KCNIP2: variants seen among roughly 807,000 people sequenced by gnomAD.
KCNIP2 encodes potassium voltage-gated channel interacting protein 2.
KCNIP2 carries 19 observed loss-of-function variants against 39.0 expected under a neutral mutation model. The ratio of observed to expected loss-of-function variants is 0.49; its 90% CI spans 0.34 to 0.71. KCNIP2 has a LOEUF of 0.71. Among genes scored for constraint, KCNIP2 ranks in the 30% least tolerant of loss-of-function variants. The pLI is 0.01. For missense variants in KCNIP2, 261 were observed against 346.0 expected (o/e 0.75, Z 1.95); for synonymous variants, 111 against 131.2 (o/e 0.85, Z 1.05).
chr10:101,836,390 A>G (rs533808489), intron 1 of KCNIP2, among the ~76,000 whole-genome samples: 1 of 148,252 alleles, frequency 6.7e-6, no homozygotes, highest in South Asian at 2.1e-4. Flanking sequence ...ACAGGCGTGC[A>G]CCACCACGCC....
In KCNIP2 at chr10:101,828,862, A is replaced by T; in HGVS notation, c.349-166T>A. Reference sequence around the variant, plus strand: ...GGAGGGAAGACTTCTTTCCCAGTGCACAAATAAAAAACATGGAACGAAACT... The same window carrying T: ...GGAGGGAAGACTTCTTTCCCAGTGCTCAAATAAAAAACATGGAACGAAACT... On this transcript the variant is annotated intron_variant, in intron 4 of 9. Transcript: ENST00000356640. This position sits in a 1 kb window ranked among gnomAD's most constrained non-coding sequence, Gnocchi z 6.6. The T allele has an allele frequency of 6.4e-7, 1 of 1,552,692 alleles. No individual in the cohort carries two copies. The highest frequency in any genetic ancestry group is 8.7e-7 in the Non-Finnish European group (1 of 1,148,144).
chr10:101,827,756 A>C lies in KCNIP2; in HGVS notation c.703-5T>G. 1 of 1,602,338 alleles carries C rather than the reference A, an allele frequency of 6.2e-7. No individual in the cohort carries two copies. The highest frequency in any genetic ancestry group is 8.6e-7 in the Non-Finnish European group (1 of 1,169,246). On this transcript the variant is annotated splice_region_variant and splice_polypyrimidine_tract_variant and intron_variant, in intron 8 of 9. Transcript: ENST00000356640. ...ATCCTTGTTTCTGTCCATCTTCTGCAAGAAGGTGGTCAGGCAGGGAGAACA... is the reference window on the plus strand; with the variant it reads ...ATCCTTGTTTCTGTCCATCTTCTGCCAGAAGGTGGTCAGGCAGGGAGAACA...
Position 101,829,867 on chromosome 10 carries a change from TG to T in KCNIP2, c.199del (p.His67ThrfsTer105). ...ACCTGGGTCCAGCAGGCGGGGTCTG[TG>T]GGGGCGGAGGGAGGCTGGGGCGGCT... ...TLAAPASLRP[H>X]RPRLLDPDSV... On this transcript the variant is annotated frameshift_variant, in exon 3 of 10. Coordinates refer to ENST00000356640, the MANE Select transcript of KCNIP2 (RefSeq NM_173191.3). LOFTEE classifies it high-confidence loss of function. The T allele has an allele frequency of 1.3e-6, 2 of 1,488,102 alleles. No homozygotes were observed. Among genetic ancestry groups the T allele is most frequent in the South Asian group, 1.3e-5 (1 of 76,736 alleles). 92.2% of individuals were successfully genotyped at this position (1,488,102 alleles called of 1,614,324 possible). A position where few individuals can be genotyped will look rare whatever the true frequency, so the allele number is the denominator to read the frequency against.
rs2065790000 is a variant in KCNIP2 at position 101,827,699 on chromosome 10, G to T, written c.755C>A (p.Ser252Tyr). The T allele has an allele frequency of 8.1e-6, 13 of 1,613,970 alleles. No homozygotes were observed. Among genetic ancestry groups the T allele is most frequent in the Non-Finnish European group, 1.0e-5 (12 of 1,179,950 alleles). Residue 252 changes from serine to tyrosine, a missense_variant, in exon 9 of 10, where the codon TCT (serine) becomes TAT (tyrosine). By Grantham distance (144) the Ser-to-Tyr change is moderately radical. Coordinates refer to ENST00000356640, the MANE Select transcript of KCNIP2 (RefSeq NM_173191.3). ...GVVTIEEFIE[S>Y]CQKDENIMRS... ...GGCAGGGAGCTGTACCTTTTGACAA[G>T]ACTCAATGAATTCCTCAATGGTCAC...
At chr10:101,827,437 G>A in intron 9 of KCNIP2, 37 bp from the exon 10 acceptor site, 2 of 1,586,442 alleles carry the variant, frequency 1.3e-6, no homozygotes, top group Non-Finnish European at 1.7e-6. Flanking sequence ...ATTGAAGAGA[G>A]AGAAAGAGAA....
At chr10:101,831,387 G>A (rs1209127134) in intron 1 of KCNIP2, among the ~76,000 whole-genome samples, 1 of 152,118 alleles carries the variant, frequency 6.6e-6, no homozygotes, top group Non-Finnish European at 1.5e-5. Context: ...GGACGTGGCC[G>A]GTGACAGCGA....
chr10:101,827,347 TG>T lies in KCNIP2; in HGVS notation c.*5del, dbSNP rs2065775471. 2 of 1,600,992 alleles carry T rather than the reference TG, an allele frequency of 1.2e-6. No individual in the cohort carries two copies. Among genetic ancestry groups the T allele is most frequent in the African/African-American group, 1.3e-5 (1 of 74,754 alleles). On this transcript the variant is annotated 3_prime_UTR_variant, in exon 10 of 10. Transcript: ENST00000356640. The stretch of plus-strand genomic sequence containing the variant: ...CCCAGGAAACACTGACCCCCTCTCC[TG>T]GGGGCTAGATGACATTGTCAAAGAG...
In KCNIP2 at chr10:101,827,534, T is replaced by C. The variant is rs184939040; in HGVS notation, c.766-134A>G. 2.0e-4 allele frequency: 258 copies of C among 1,285,052 alleles called. 1 individual carries two copies. The highest frequency in any genetic ancestry group is 1.7e-4 in the Non-Finnish European group (150 of 887,576). The allele number at this position is 1,285,052 out of a possible 1,614,324, so 79.6% of individuals were successfully genotyped here. On this transcript the variant is annotated intron_variant, in intron 9 of 9. Transcript: ENST00000356640. ...GAGGAAGGAGATGCCCAGAGAGACCTGAGGTAGGGAAGGGGTAAGCCTCCC... is the reference window on the plus strand; with the variant it reads ...GAGGAAGGAGATGCCCAGAGAGACCCGAGGTAGGGAAGGGGTAAGCCTCCC...
intron 9 of KCNIP2, 30 bp from the exon 10 acceptor site, chr10:101,827,430 G>A (rs753798468): frequency 4.4e-6 from 7 of 1,591,758 alleles, no homozygotes; most frequent in Admixed American, 1.7e-5. Context: ...GAGGCAGATT[G>A]AAGAGAGAGA....
chr10:101,843,089 A>C lies in KCNIP2; in HGVS notation c.73+407T>G, dbSNP rs1253518205. Among the ~76,000 whole-genome samples, 1 of 152,178 alleles carries C rather than the reference A, an allele frequency of 6.6e-6. No individual in the cohort carries two copies. The highest frequency in any genetic ancestry group is 1.5e-5 in the Non-Finnish European group (1 of 68,026). On this transcript the variant is annotated intron_variant, in intron 1 of 9. Coordinates refer to ENST00000356640, the MANE Select transcript of KCNIP2 (RefSeq NM_173191.3). The surrounding 1 kb of genome is among the most constrained non-coding windows in gnomAD (Gnocchi z 6.7). ...GGTCCTACGCAAACTCAAACATCTG[A>C]CGAGACCATACAATTGCACTGCCAC...
At position 101,828,783 on chromosome 10, in the gene KCNIP2, G is replaced by C; in HGVS notation, c.349-87C>G. ...ACCCTCCATGGCCCAAGACTCCCAG[G>C]GAGGGGGATAATCTTCAAGCCTCCA... On this transcript the variant is annotated intron_variant, in intron 4 of 9. Transcript: ENST00000356640. This position sits in a 1 kb window ranked among gnomAD's most constrained non-coding sequence, Gnocchi z 6.6. 1 of 1,610,226 alleles carries C rather than the reference G, an allele frequency of 6.2e-7. No homozygotes were observed. The highest frequency in any genetic ancestry group is 8.5e-7 in the Non-Finnish European group (1 of 1,178,054).
rs2066219451 is a variant in KCNIP2 at position 101,838,157 on chromosome 10, T to C, written c.73+5339A>G. 6.6e-6 allele frequency among the ~76,000 whole-genome samples: 1 copy of C among 152,126 alleles called. No individual in the cohort carries two copies. The highest frequency in any genetic ancestry group is 2.4e-5 in the African/African-American group (1 of 41,424). ...TTCAGTGAGAAACTTGCCAGATCCA[T>C]CCTCCCCAAGCATCCCTGTGCCACG... is the stretch of plus-strand genomic sequence containing the variant. On this transcript the variant is annotated intron_variant, in intron 1 of 9. Coordinates refer to ENST00000356640, the MANE Select transcript of KCNIP2 (RefSeq NM_173191.3). The surrounding 1 kb of genome is among the most constrained non-coding windows in gnomAD (Gnocchi z 4.0).
chr10:101,827,649 G>C (rs371574418), intron 9 of KCNIP2, 40 bp downstream of exon 9: 5 of 1,610,338 alleles, frequency 3.1e-6, no homozygotes, highest in African/African-American at 1.3e-5. Flanking sequence ...AATCAGGCCT[G>C]AGTCCAGGTC....
chr10:101,828,354 A>C lies in KCNIP2; in HGVS notation c.489+35T>G, dbSNP rs1233503196. 6.2e-7 allele frequency: 1 copy of C among 1,613,114 alleles called. No individual in the cohort carries two copies. Among genetic ancestry groups the C allele is most frequent in the African/African-American group, 1.3e-5 (1 of 75,014 alleles). Reference sequence around the variant, plus strand: ...GGAGATCCTGGCCCTGAACTCCAGGAAACAGGCTTCCCTGGCCCACCTCGC... The same window carrying C: ...GGAGATCCTGGCCCTGAACTCCAGGCAACAGGCTTCCCTGGCCCACCTCGC... On this transcript the variant is annotated intron_variant, in intron 6 of 9. Coordinates refer to ENST00000356640, the MANE Select transcript of KCNIP2 (RefSeq NM_173191.3). The surrounding 1 kb of genome is among the most constrained non-coding windows in gnomAD (Gnocchi z 6.6).
Position 101,829,871 on chromosome 10 carries a change from G to A in KCNIP2, c.196C>T (p.Pro66Ser). ...GGGTCCAGCAGGCGGGGTCTGTGGG[G>A]GCGGAGGGAGGCTGGGGCGGCTAAT... ...ETLAAPASLR[P>S]HRPRLLDPDS... is the part of the protein sequence containing the mutation. Residue 66 changes from proline to serine, a missense_variant, in exon 3 of 10, where the codon CCC (proline) becomes TCC (serine). Transcript: ENST00000356640. 1 of 1,504,642 alleles carries A rather than the reference G, an allele frequency of 6.6e-7. No homozygotes were observed. Among genetic ancestry groups the A allele is most frequent in the Non-Finnish European group, 8.8e-7 (1 of 1,131,008 alleles). 93.2% of individuals were successfully genotyped at this position (1,504,642 alleles called of 1,614,324 possible).
intron 1 of KCNIP2, among the ~76,000 whole-genome samples, chr10:101,839,550 G>T (rs2066257469): frequency 6.6e-6 from 1 of 151,940 alleles, no homozygotes; most frequent in Non-Finnish European, 1.5e-5. Context: ...TTTGAAGAGC[G>T]CTGTCTTCCT....
At chr10:101,839,876 C>G (rs775862468) in intron 1 of KCNIP2, 2 of 1,557,236 alleles carry the variant, frequency 1.3e-6, no homozygotes, top group East Asian at 4.8e-5. Context: ...AGCTCCACCC[C>G]CAGGCCCCGG....
intron 1 of KCNIP2, among the ~76,000 whole-genome samples, chr10:101,842,946 A>G (rs767602752): frequency 2.0e-5 from 3 of 152,230 alleles, no homozygotes; most frequent in South Asian, 4.1e-4. Flanking sequence ...AAGCCACCCT[A>G]AAGTAGAGCC....
chr10:101,829,820 G>GCCCCCA (rs895153180), intron 3 of KCNIP2, 24 bp downstream of exon 3: 228 of 985,116 alleles, frequency 2.3e-4, no homozygotes, highest in Non-Finnish European at 2.8e-4. Context: ...GCCCCGCCCC[G>GCCCCCA]CCCCCACCAG....
Sources: gnomAD v4.1 joint callset for allele counts (sites outside exome capture counted in the v4.1 genomes callset) on GRCh38, gnomAD v4.1.1 for gene constraint, Gnocchi (gnomAD v3.1) non-coding constraint, MANE v1.5 for transcripts, NCBI Gene and HGNC (gene_info 2026-07-23, HGNC 2026-07-21) for gene names.